IQCE: variants seen among roughly 807,000 people sequenced by gnomAD.
IQCE encodes the protein IQ motif containing E.
A neutral mutation model predicts 96.0 loss-of-function variants in IQCE; 115 were observed. The observed-to-expected ratio is 1.20, with a 90% CI of 1.03 to 1.40. IQCE has a LOEUF of 1.40. Among genes scored for constraint, IQCE ranks in the 40% most tolerant of loss-of-function variants. The pLI is 0.00. For synonymous variants in IQCE, 412 were observed against 371.2 expected (o/e 1.11, Z -1.26); for missense variants, 1,041 against 909.1 (o/e 1.15, Z -1.87).
intron 15 of IQCE, 146 bp downstream of exon 15, chr7:2,593,272 C>A: frequency 7.5e-7 from 1 of 1,335,388 alleles, no homozygotes; most frequent in Non-Finnish European, 1.0e-6. Context: ...GGTTTTCTGT[C>A]ACCCAGCCCG....
At chr7:2,570,257 C>T (rs913931092) in intron 3 of IQCE, among the ~76,000 whole-genome samples, 1 of 152,152 alleles carries the variant, frequency 6.6e-6, no homozygotes, top group African/African-American at 2.4e-5. Flanking sequence ...CATCTCTCCA[C>T]CACCCTGTCT....
At chr7:2,579,702 T>G (rs1300729734) in intron 8 of IQCE, among the ~76,000 whole-genome samples, 3 of 19,430 alleles carry the variant, frequency 1.5e-4, no homozygotes, top group Admixed American at 9.5e-4. Flanking sequence ...GTTCTGGTGG[T>G]GTGTGTGTGT....
chr7:2,593,774 C>T (rs931962313), intron 15 of IQCE, among the ~76,000 whole-genome samples: 12 of 152,278 alleles, frequency 7.9e-5, no homozygotes, highest in Admixed American at 3.3e-4. Flanking sequence ...GCGATGTAAA[C>T]GTTCTGGAAT....
chr7:2,593,682 G>C (rs760195886), intron 15 of IQCE, among the ~76,000 whole-genome samples: 2 of 152,244 alleles, frequency 1.3e-5, no homozygotes, highest in East Asian at 3.9e-4. Flanking sequence ...TGTCCAGAAC[G>C]GGCGGACCCA....
At chr7:2,580,516 G>A (rs1782583537) in intron 8 of IQCE, among the ~76,000 whole-genome samples, 1 of 152,124 alleles carries the variant, frequency 6.6e-6, no homozygotes, top group African/African-American at 2.4e-5. Context: ...GGAGGCTGAG[G>A]CAGAAGGATC....
chr7:2,586,251 A>T lies in IQCE; in HGVS notation c.868A>T (p.Met290Leu). 1.9e-6 allele frequency: 3 copies of T among 1,614,014 alleles called. No individual in the cohort carries two copies. Among genetic ancestry groups the T allele is most frequent in the Non-Finnish European group, 2.5e-6 (3 of 1,179,968 alleles). ...GACGGGCGCCAAAAGGCAGAAGAAG[A>T]TGGGCAGTGCCCTCCTGAGCTTGTC... is the stretch of plus-strand genomic sequence containing the variant. ...KKTGAKRQKK[M>L]GSALLSLSRS... The change falls in exon 12 of 22, where the codon ATG becomes TTG. Residue 290 changes from methionine to leucine, a missense_variant. Coordinates refer to ENST00000402050, the MANE Select transcript of IQCE (RefSeq NM_152558.5).
In IQCE at chr7:2,605,856, C is replaced by T. The variant is rs778665486; in HGVS notation, c.1744-20C>T. The T allele has an allele frequency of 6.4e-7, 1 of 1,561,850 alleles. No homozygotes were observed. The highest frequency in any genetic ancestry group is 8.7e-7 in the Non-Finnish European group (1 of 1,152,868). On this transcript the variant is annotated intron_variant, in intron 19 of 21. Coordinates refer to ENST00000402050, the MANE Select transcript of IQCE (RefSeq NM_152558.5). The stretch of plus-strand genomic sequence containing the variant: ...GGGGGCTGCCAAACAGTCGTCTTCC[C>T]TGCTGTCCTTGCACCCCAGAGCTCT...
intron 7 of IQCE, 46 bp from the exon 8 acceptor site, chr7:2,578,430 G>A (rs776095067): frequency 6.3e-7 from 1 of 1,589,366 alleles, no homozygotes; most frequent in South Asian, 1.1e-5. Context: ...GCCCTGCTGG[G>A]GGCTACACCG....
intron 1 of IQCE, 149 bp from the exon 2 acceptor site, chr7:2,566,967 C>A: frequency 3.0e-6 from 2 of 673,802 alleles, no homozygotes; most frequent in Non-Finnish European, 2.7e-6. Context: ...GGCTGCTGCC[C>A]AGCTGGAGTG....
chr7:2,609,996 C>G (rs540715526), intron 21 of IQCE, 48 bp from the exon 22 acceptor site: 1 of 1,061,466 alleles, frequency 9.4e-7, no homozygotes, highest in East Asian at 2.4e-5. Flanking sequence ...GGTGGCAGCC[C>G]CTGAGGTCAG....
At chr7:2,577,701 C>G in intron 6 of IQCE, among the ~76,000 whole-genome samples, 1 of 81,722 alleles carries the variant, frequency 1.2e-5, no homozygotes, top group East Asian at 2.9e-4. Flanking sequence ...TTGGCGTGTG[C>G]GTGGCTGTGC....
chr7:2,582,670 C>T lies in IQCE; in HGVS notation c.701+20C>T. ...CATCAGGTGGGCGCAGGGCTGCACCCTCTCCCCTGCCTTCCGCCCCGTGTT... is the reference window on the plus strand; with the variant it reads ...CATCAGGTGGGCGCAGGGCTGCACCTTCTCCCCTGCCTTCCGCCCCGTGTT... On this transcript the variant is annotated intron_variant, in intron 9 of 21. Coordinates refer to ENST00000402050, the MANE Select transcript of IQCE (RefSeq NM_152558.5). 6.2e-7 allele frequency: 1 copy of T among 1,606,036 alleles called. No individual in the cohort carries two copies. The highest frequency in any genetic ancestry group is 8.5e-7 in the Non-Finnish European group (1 of 1,173,630).
In IQCE at chr7:2,581,819, C is replaced by T. The variant is rs373018743; in HGVS notation, c.631-761C>T. On this transcript the variant is annotated intron_variant, in intron 8 of 21. Coordinates refer to ENST00000402050, the MANE Select transcript of IQCE (RefSeq NM_152558.5). ...CCGCTTCCCGGGTTCATGCCATTCT[C>T]CTGCCTCAGCCTCCCGAGTAGCTGG... Among the ~76,000 whole-genome samples, 1,426 of 151,700 alleles carry T rather than the reference C, an allele frequency of 9.4e-3. 30 individuals are homozygous for T. Among genetic ancestry groups the T allele is most frequent in the Middle Eastern group, 0.034 (10 of 294 alleles).
In IQCE at chr7:2,587,890, C is replaced by A. The variant is rs1250307854; in HGVS notation, c.1044+13C>A. On this transcript the variant is annotated intron_variant, in intron 13 of 21. Coordinates refer to ENST00000402050, the MANE Select transcript of IQCE (RefSeq NM_152558.5). Reference sequence around the variant, plus strand: ...GGAGCTGGAGAAGGTGAGCGGGCGTCTCAGTGCCACTGTCGTTGGGGACCA... The same window carrying A: ...GGAGCTGGAGAAGGTGAGCGGGCGTATCAGTGCCACTGTCGTTGGGGACCA... 2 of 1,613,434 alleles carry A rather than the reference C, an allele frequency of 1.2e-6. No individual in the cohort carries two copies. Among genetic ancestry groups the A allele is most frequent in the Non-Finnish European group, 1.7e-6 (2 of 1,179,560 alleles).
intron 6 of IQCE, among the ~76,000 whole-genome samples, 158 bp downstream of exon 6, chr7:2,573,646 G>C (rs1781916995): frequency 6.6e-6 from 1 of 152,132 alleles, no homozygotes; most frequent in South Asian, 2.1e-4. Flanking sequence ...TGCCCTAGGA[G>C]CTGGTGTCCC....
At chr7:2,588,352 G>T (rs1448256357) in intron 13 of IQCE, among the ~76,000 whole-genome samples, 2 of 148,168 alleles carry the variant, frequency 1.3e-5, no homozygotes, top group African/African-American at 2.5e-5. Context: ...TTTTGTTTTT[G>T]TTTTTTTTTT....
chr7:2,606,723 C>T (rs1442166293), intron 20 of IQCE, among the ~76,000 whole-genome samples: 1 of 152,176 alleles, frequency 6.6e-6, no homozygotes, highest in African/African-American at 2.4e-5. Flanking sequence ...ACACTGTGGG[C>T]TCAGGAGTCA....
intron 1 of IQCE, among the ~76,000 whole-genome samples, chr7:2,566,092 A>G (rs1781350616): frequency 6.6e-6 from 1 of 152,232 alleles, no homozygotes; most frequent in Non-Finnish European, 1.5e-5. Context: ...AGGGACAGGT[A>G]GCACAAATGT....
At chr7:2,584,366 G>A (rs549569669) in intron 11 of IQCE, 81 bp downstream of exon 11, 17 of 1,328,278 alleles carry the variant, frequency 1.3e-5, no homozygotes, top group Non-Finnish European at 1.8e-5. Flanking sequence ...TGGCTGTCAC[G>A]TGGGTGCGGC....
Sources: allele counts gnomAD v4.1 joint callset (sites outside exome capture counted in the v4.1 genomes callset), GRCh38; gene constraint gnomAD v4.1.1; transcripts MANE v1.5; gene names NCBI Gene and HGNC (gene_info 2026-07-23, HGNC 2026-07-21).